Variants in USP6NL observed in about 807,000 individuals in gnomAD.
The protein encoded by USP6NL is USP6 N-terminal-like protein.
A neutral mutation model predicts 61.9 loss-of-function variants in USP6NL; 26 were observed. The ratio of observed to expected loss-of-function variants is 0.42; its 90% CI spans 0.31 to 0.58. The LOEUF is 0.58. Among genes scored for constraint, USP6NL ranks in the 20% least tolerant of loss-of-function variants. The pLI is 0.16. For synonymous variants in USP6NL, 432 were observed against 390.1 expected (o/e 1.11, Z -1.27); for missense variants, 1,114 against 1,034.3 (o/e 1.08, Z -1.06).
intron 2 of USP6NL, among the ~76,000 whole-genome samples, chr10:11,543,814 T>TG: frequency 7.9e-6 from 1 of 126,862 alleles, no homozygotes; most frequent in East Asian, 2.4e-4. Context: ...TTTTTTTTTT[T>TG]TTTTTTTTTT....
intron 14 of USP6NL, among the ~76,000 whole-genome samples, chr10:11,479,580 G>GT (rs1833110357): frequency 7.7e-6 from 1 of 129,724 alleles, no homozygotes; most frequent in South Asian, 2.3e-4. Flanking sequence ...TTTTTTTTTT[G>GT]GTTTTTTTTT....
intron 6 of USP6NL, among the ~76,000 whole-genome samples, chr10:11,504,758 T>C (rs1834363872): frequency 6.6e-6 from 1 of 152,228 alleles, no homozygotes; most frequent in South Asian, 2.1e-4. Flanking sequence ...GAGAAATACG[T>C]AAGCTGATAA....
At chr10:11,580,974 C>T (rs768034250) in intron 2 of USP6NL, among the ~76,000 whole-genome samples, 17 of 152,022 alleles carry the variant, frequency 1.1e-4, no homozygotes, top group Non-Finnish European at 2.2e-4. Context: ...TACAAGAGTA[C>T]TGGTATAATT....
intron 1 of USP6NL, among the ~76,000 whole-genome samples, chr10:11,607,787 C>A (rs1263503950): frequency 2.0e-5 from 3 of 152,162 alleles, no homozygotes; most frequent in Admixed American, 1.3e-4. Flanking sequence ...AAATAATATT[C>A]TTTCATTTAG....
intron 1 of USP6NL, among the ~76,000 whole-genome samples, chr10:11,606,159 A>C (rs1838701335): frequency 6.6e-6 from 1 of 152,344 alleles, no homozygotes; most frequent in Non-Finnish European, 1.5e-5. Context: ...TTAGCAACAA[A>C]GAAGGAATAA....
chr10:11,463,039 G>T lies in USP6NL; in HGVS notation c.1889C>A (p.Pro630His), dbSNP rs753637873. ...GTAAACGGGGGGATTGCTGTAGGAG[G>T]GGGGATGAGCTAGCCCTCGGGCTTC... ...DGEARGLAHP[P>H]SYSNPPVYHG... is the part of the protein sequence containing the mutation. The change falls in exon 15 of 15, where the codon CCC (proline) becomes CAC (histidine). Residue 630 changes from proline (P) to histidine (H), a missense_variant. Physicochemically the swap from Pro to His is moderately conservative, Grantham distance 77. Coordinates refer to ENST00000609104, the MANE Select transcript of USP6NL (RefSeq NM_014688.5). The surrounding 1 kb of genome is among the most constrained non-coding windows in gnomAD (Gnocchi z 6.3). 16 of 1,613,852 alleles carry T rather than the reference G, an allele frequency of 9.9e-6. No homozygotes were observed. The highest frequency in any genetic ancestry group is 3.3e-4 in the Middle Eastern group (2 of 6,084).
intron 2 of USP6NL, among the ~76,000 whole-genome samples, chr10:11,571,338 G>C (rs1159973610): frequency 6.6e-6 from 1 of 151,976 alleles, no homozygotes; most frequent in Admixed American, 6.5e-5. Context: ...CGCCCACCTC[G>C]GCCTCCCAAA....
chr10:11,572,292 C>A (rs1359703504), intron 2 of USP6NL, among the ~76,000 whole-genome samples: 6 of 151,870 alleles, frequency 4.0e-5, no homozygotes, highest in Admixed American at 3.9e-4. Context: ...TTGTTAGAAT[C>A]CTGCTATTTA....
At chr10:11,542,057 G>A (rs1836087449) in intron 2 of USP6NL, among the ~76,000 whole-genome samples, 2 of 152,170 alleles carry the variant, frequency 1.3e-5, no homozygotes, top group Admixed American at 1.3e-4. Context: ...ATGGATACCT[G>A]AAAGTTCCAC....
intron 2 of USP6NL, chr10:11,565,317 G>A (rs1162354694): frequency 1.3e-5 from 2 of 152,192 alleles, no homozygotes; most frequent in African/African-American, 2.4e-5. Flanking sequence ...AAAAAAGCAA[G>A]AAACCAAGAT....
In USP6NL at chr10:11,462,871, C is replaced by T. The variant is rs1428047401; in HGVS notation, c.2057G>A (p.Ser686Asn). The T allele has an allele frequency of 1.9e-6, 3 of 1,613,742 alleles. No individual in the cohort carries two copies. Among genetic ancestry groups the T allele is most frequent in the Non-Finnish European group, 2.5e-6 (3 of 1,179,850 alleles). ...CGGCAGTACAAGGGGGCTTGGGCGG[C>T]TGTAAGATTTCTCCGGAGAAGCACT... ...SVSASPEKSY[S>N]RPSPLVLPSS... Residue 686 changes from serine (S) to asparagine (N), a missense_variant, in exon 15 of 15, where the codon AGC becomes AAC. By Grantham distance (46) the Ser-to-Asn change is conservative. Coordinates refer to ENST00000609104, the MANE Select transcript of USP6NL (RefSeq NM_014688.5).
chr10:11,550,799 A>C (rs1043301051), intron 2 of USP6NL, among the ~76,000 whole-genome samples: 3 of 152,010 alleles, frequency 2.0e-5, no homozygotes, highest in Non-Finnish European at 4.4e-5. Flanking sequence ...AAAATTAAAA[A>C]AAAAACAGGC....
chr10:11,593,415 C>T (rs561180299), intron 2 of USP6NL, among the ~76,000 whole-genome samples: 84 of 152,142 alleles, frequency 5.5e-4, no homozygotes, highest in African/African-American at 2.0e-3. Context: ...TCTCTTGTGA[C>T]CATTTATATT....
chr10:11,560,132 G>A (rs185792650), intron 2 of USP6NL, among the ~76,000 whole-genome samples: 1 of 152,134 alleles, frequency 6.6e-6, no homozygotes, highest in East Asian at 1.9e-4. Flanking sequence ...AAAAAAGCAC[G>A]ATACATTGCA....
chr10:11,514,705 T>C (rs11257141), intron 5 of USP6NL, among the ~76,000 whole-genome samples: 2,613 of 152,292 alleles, frequency 0.017, 78 homozygotes, highest in African/African-American at 0.059. Flanking sequence ...GAACCTGTGA[T>C]TCCCTGTAGT....
In USP6NL at chr10:11,595,620, T is replaced by A. The variant is rs1032197986; in HGVS notation, c.4+2011A>T. Reference sequence around the variant, plus strand: ...AGCCAGGCAGAGACAAATATGAATCTGCTAGACCAGCATGAAAAAAACAAA... The same window carrying A: ...AGCCAGGCAGAGACAAATATGAATCAGCTAGACCAGCATGAAAAAAACAAA... On this transcript the variant is annotated intron_variant, in intron 2 of 14. Coordinates refer to ENST00000609104, the MANE Select transcript of USP6NL (RefSeq NM_014688.5). The surrounding 1 kb of genome is among the most constrained non-coding windows in gnomAD (Gnocchi z 5.3). 1.3e-5 allele frequency among the ~76,000 whole-genome samples: 2 copies of A among 151,888 alleles called. No homozygotes were observed. Among genetic ancestry groups the A allele is most frequent in the Non-Finnish European group, 2.9e-5 (2 of 67,994 alleles).
rs531542691 is a variant in USP6NL, at chr10:11,607,681, G to A, written c.-84+3762C>T. 7.6e-4 allele frequency among the ~76,000 whole-genome samples: 116 copies of A among 152,216 alleles called. 1 individual carries two copies. The highest frequency in any genetic ancestry group is 7.2e-3 in the Admixed American group (110 of 15,280). On this transcript the variant is annotated intron_variant, in intron 1 of 14. Transcript: ENST00000609104. ...AACCTGGGTGACAGGGTGAGACCCT[G>A]TCACAGGAAAAGGAAAAAATAATAA...
rs944121242 is a variant in USP6NL at position 11,525,340 on chromosome 10, G to A, written c.155+46C>T. 5 of 1,476,944 alleles carry A rather than the reference G, an allele frequency of 3.4e-6. No individual in the cohort carries two copies. The highest frequency in any genetic ancestry group is 2.2e-5 in the Admixed American group (1 of 46,030). The allele number at this position is 1,476,944 out of a possible 1,614,324, so 91.5% of individuals were successfully genotyped here. A position where few individuals can be genotyped will look rare whatever the true frequency, so the allele number is the denominator to read the frequency against. On this transcript the variant is annotated intron_variant, in intron 4 of 14. Transcript: ENST00000609104. This position sits in a 1 kb window ranked among gnomAD's most constrained non-coding sequence, Gnocchi z 5.0. ...AAAATCAATATAATAGGTGACCACAGAAACGTTATAATCTAAAAAGCAAGC... is the reference window on the plus strand; with the variant it reads ...AAAATCAATATAATAGGTGACCACAAAAACGTTATAATCTAAAAAGCAAGC...
Position 11,482,317 on chromosome 10 carries a change from T to C in USP6NL, c.926-395A>G, listed in dbSNP as rs941900356. 1.3e-5 allele frequency among the ~76,000 whole-genome samples: 2 copies of C among 152,262 alleles called. No homozygotes were observed. The highest frequency in any genetic ancestry group is 2.9e-5 in the Non-Finnish European group (2 of 68,040). ...GCTCCAAGAAGCCCCATTTTAAGTC[T>C]GTATTTCTTACTGTTTCAGAATTTC... On this transcript the variant is annotated intron_variant, in intron 13 of 14. Coordinates refer to ENST00000609104, the MANE Select transcript of USP6NL (RefSeq NM_014688.5). This position sits in a 1 kb window ranked among gnomAD's most constrained non-coding sequence, Gnocchi z 4.0.
Sources: gnomAD v4.1 joint callset for allele counts (sites outside exome capture counted in the v4.1 genomes callset) on GRCh38, gnomAD v4.1.1 for gene constraint, Gnocchi (gnomAD v3.1) non-coding constraint, MANE v1.5 for transcripts, NCBI Gene and HGNC (gene_info 2026-07-23, HGNC 2026-07-21) for gene names.